The following NR5A2 variants were observed in gnomAD, a reference collection of about 807,000 sequenced individuals.
NR5A2 encodes the protein CYP7A promoter-binding factor.
In NR5A2, 26 loss-of-function variants were observed where a neutral mutation model predicts 62.7. That is an observed-to-expected ratio of 0.41 (90% CI 0.30 to 0.58). The LOEUF (loss-of-function observed/expected upper bound fraction) is 0.58. Ranked by LOEUF, NR5A2 falls within the 20% of genes least tolerant of loss-of-function variation. The pLI, the probability that NR5A2 is intolerant of heterozygous loss-of-function variation, is 0.22. For synonymous variants in NR5A2, 246 were observed against 241.7 expected (o/e 1.02, Z -0.16); for missense variants, 541 against 669.1 (o/e 0.81, Z 2.11).
intron 5 of NR5A2, among the ~76,000 whole-genome samples, chr1:200,091,845 A>G (rs1664832407): frequency 6.6e-6 from 1 of 151,896 alleles, no homozygotes; most frequent in Non-Finnish European, 1.5e-5. Flanking sequence ...TTGGTGTGTG[A>G]GTGTGTGTGG....
In NR5A2 at chr1:200,045,455, C is replaced by A; in HGVS notation, c.334C>A (p.Arg112=). The part of the protein sequence containing the change: ...TCESCKGFFK[R]TVQNNKRYTC... ...CTCTGTCTTATAGGGATTTTTTAAG[C>A]GAACAGTCCAAAATAATAAAAGGTA... Residue 112 remains arginine, a synonymous_variant, in exon 4 of 8, where the codon CGA becomes AGA. Transcript: ENST00000367362. The A allele has an allele frequency of 1.9e-6, 3 of 1,598,814 alleles. No individual in the cohort carries two copies. Among genetic ancestry groups the A allele is most frequent in the Non-Finnish European group, 2.6e-6 (3 of 1,174,396 alleles).
At chr1:200,060,388 A>G (rs1335904861) in intron 5 of NR5A2, among the ~76,000 whole-genome samples, 1 of 152,134 alleles carries the variant, frequency 6.6e-6, no homozygotes. Flanking sequence ...AGTTAATGAT[A>G]ATAGGATTTC....
chr1:200,039,760 AT>A lies in NR5A2; in HGVS notation c.168del (p.His56GlnfsTer19), dbSNP rs770293742. The A allele has an allele frequency of 1.9e-6, 3 of 1,608,250 alleles. No individual in the cohort carries two copies. On this transcript the variant is annotated frameshift_variant, in exon 2 of 8. Transcript: ENST00000367362. LOFTEE classifies it high-confidence loss of function. The surrounding 1 kb of genome is among the most constrained non-coding windows in gnomAD (Gnocchi z 5.1). ...ETEALGLARS[H>X]GEQGQMPENM... ...GAAGCCCTGGGACTGGCTCGATCGC[AT>A]GGGGAACAGGGCCAGATGCCGGAAA...
chr1:200,032,089 T>C lies in NR5A2; in HGVS notation c.64+4178T>C, dbSNP rs139521041. Among the ~76,000 whole-genome samples the C allele has an allele frequency of 2.8e-3, 431 of 152,324 alleles. 1 individual carries two copies. The highest frequency in any genetic ancestry group is 9.0e-3 in the African/African-American group (376 of 41,570). On this transcript the variant is annotated intron_variant, in intron 1 of 7. Transcript: ENST00000367362. ...CCAACCCAATCCCCACCCCCAGGGA[T>C]GCACTAGGCAGGCAAGACAACTTCA...
chr1:200,042,854 C>G, intron 2 of NR5A2: 1 of 985,530 alleles, frequency 1.0e-6, no homozygotes, highest in Non-Finnish European at 1.2e-6. Flanking sequence ...GCTGCGAAGA[C>G]GCCTTCGTGG....
chr1:200,150,362 A>T (rs1653011968), intron 7 of NR5A2, among the ~76,000 whole-genome samples: 1 of 152,224 alleles, frequency 6.6e-6, no homozygotes, highest in Admixed American at 6.5e-5. Context: ...GTAAAGACAA[A>T]AACAATCTTG....
chr1:200,076,070 C>G (rs949080227), intron 5 of NR5A2, among the ~76,000 whole-genome samples: 1 of 152,054 alleles, frequency 6.6e-6, no homozygotes, highest in Non-Finnish European at 1.5e-5. Context: ...GAGTGGGAAC[C>G]TCAACCCAAG....
chr1:200,066,938 C>A (rs937816589), intron 5 of NR5A2, among the ~76,000 whole-genome samples: 1 of 152,154 alleles, frequency 6.6e-6, no homozygotes, highest in Admixed American at 6.5e-5. Flanking sequence ...CAACTTAAAT[C>A]CTTCCTTCTG....
chr1:200,042,285 C>T (rs1228637599), intron 2 of NR5A2, among the ~76,000 whole-genome samples: 1 of 152,190 alleles, frequency 6.6e-6, no homozygotes, highest in African/African-American at 2.4e-5. Flanking sequence ...GGAAGAGACG[C>T]GTCAACTCCG....
At chr1:200,051,366 T>C (rs1662623027) in intron 5 of NR5A2, among the ~76,000 whole-genome samples, 1 of 152,240 alleles carries the variant, frequency 6.6e-6, no homozygotes, top group Admixed American at 6.5e-5. Context: ...ATTCCTCTCT[T>C]TTCCCTCCTC....
chr1:200,103,464 G>A (rs189397948), intron 5 of NR5A2, among the ~76,000 whole-genome samples: 1 of 152,140 alleles, frequency 6.6e-6, no homozygotes, highest in Non-Finnish European at 1.5e-5. Flanking sequence ...ACAATGTAAG[G>A]GTTTCCCAAT....
At chr1:200,084,370 A>G (rs984866386) in intron 5 of NR5A2, among the ~76,000 whole-genome samples, 3 of 152,182 alleles carry the variant, frequency 2.0e-5, no homozygotes, top group Non-Finnish European at 4.4e-5. Context: ...ACATATGCTC[A>G]GGGATTATCT....
intron 5 of NR5A2, among the ~76,000 whole-genome samples, chr1:200,090,469 T>C (rs1664762969): frequency 6.6e-6 from 1 of 152,098 alleles, no homozygotes; most frequent in African/African-American, 2.4e-5. Flanking sequence ...TCCTGACAAG[T>C]GGAGGGTGAA....
intron 5 of NR5A2, among the ~76,000 whole-genome samples, chr1:200,091,484 CTTTTT>C (rs35491701): frequency 1.6e-5 from 2 of 126,512 alleles, no homozygotes; most frequent in African/African-American, 5.9e-5. Context: ...TGCTCTCTTT[CTTTTT>C]TTTTTTTTTT....
intron 4 of NR5A2, among the ~76,000 whole-genome samples, chr1:200,047,584 C>CTTTT (rs3066613): frequency 2.0e-5 from 3 of 148,302 alleles, no homozygotes; most frequent in African/African-American, 2.6e-5. Flanking sequence ...TATTTCTTTT[C>CTTTT]TTTTTTTTGA....
chr1:200,149,159 T>C (rs1667871765), intron 7 of NR5A2, among the ~76,000 whole-genome samples: 1 of 152,182 alleles, frequency 6.6e-6, no homozygotes, highest in Non-Finnish European at 1.5e-5. Flanking sequence ...GTGATCCATC[T>C]GCCTCGGCCC....
intron 1 of NR5A2, among the ~76,000 whole-genome samples, chr1:200,032,846 A>G (rs890786997): frequency 6.6e-5 from 10 of 152,232 alleles, no homozygotes; most frequent in Non-Finnish European, 1.3e-4. Context: ...TCTGAAATAC[A>G]TACTCTTTCT....
At chr1:200,100,419 T>G (rs1357407877) in intron 5 of NR5A2, among the ~76,000 whole-genome samples, 1 of 152,212 alleles carries the variant, frequency 6.6e-6, no homozygotes. Flanking sequence ...TTTAGTTCTT[T>G]GCCCAAAGTT....
intron 7 of NR5A2, among the ~76,000 whole-genome samples, chr1:200,123,264 T>A (rs1371817889): frequency 6.6e-6 from 1 of 152,168 alleles, no homozygotes; most frequent in Non-Finnish European, 1.5e-5. Flanking sequence ...CTGTGAGAGA[T>A]GAAACAGTGT....
Sources: gnomAD v4.1 joint callset for allele counts (sites outside exome capture counted in the v4.1 genomes callset) on GRCh38, gnomAD v4.1.1 for gene constraint, Gnocchi (gnomAD v3.1) non-coding constraint, MANE v1.5 for transcripts, NCBI Gene and HGNC (gene_info 2026-07-23, HGNC 2026-07-21) for gene names.